MAN1C1: variants seen among roughly 807,000 people sequenced by gnomAD.
MAN1C1 encodes mannosidase alpha class 1C member 1.
MAN1C1 carries 49 observed loss-of-function variants against 71.5 expected under a neutral mutation model. The observed-to-expected ratio is 0.69, with a 90% CI of 0.54 to 0.87. MAN1C1 has a LOEUF of 0.87. Among genes scored for constraint, MAN1C1 ranks in the 40% least tolerant of loss-of-function variants. The pLI is 0.00. For synonymous variants in MAN1C1, 352 were observed against 343.7 expected (o/e 1.02, Z -0.27); for missense variants, 743 against 835.0 (o/e 0.89, Z 1.36).
At chr1:25,655,298 G>A (rs3014714) in intron 1 of MAN1C1, among the ~76,000 whole-genome samples, 33,315 of 152,078 alleles carry the variant, frequency 0.22, 3,768 homozygotes, top group East Asian at 0.37. Flanking sequence ...CCTGGAGTCC[G>A]TGGATCTCAG....
chr1:25,767,562 TCACA>T (rs150825446), intron 7 of MAN1C1, among the ~76,000 whole-genome samples: 11 of 82,110 alleles, frequency 1.3e-4, no homozygotes, highest in South Asian at 4.6e-4. Flanking sequence ...CACACTCCCC[TCACA>T]CACACCCACA....
At chr1:25,733,960 C>T (rs1018991494) in intron 2 of MAN1C1, among the ~76,000 whole-genome samples, 5 of 151,622 alleles carry the variant, frequency 3.3e-5, no homozygotes, top group Admixed American at 1.3e-4. Flanking sequence ...CCACCACGCC[C>T]GGCTAATTTT....
intron 9 of MAN1C1, 156 bp from the exon 10 acceptor site, chr1:25,780,784 C>T (rs1004344201): frequency 8.5e-5 from 59 of 697,148 alleles, no homozygotes; most frequent in Non-Finnish European, 1.4e-4. Context: ...CTGCCCGGTG[C>T]AGCCTTACAC....
At chr1:25,626,100 A>G (rs1572102382) in intron 1 of MAN1C1, among the ~76,000 whole-genome samples, 1 of 152,180 alleles carries the variant, frequency 6.6e-6, no homozygotes, top group South Asian at 2.1e-4. Flanking sequence ...TTTCTTCTGT[A>G]TAACTAGGGG....
intron 7 of MAN1C1, among the ~76,000 whole-genome samples, chr1:25,765,995 G>A (rs910827788): frequency 6.6e-6 from 1 of 152,280 alleles, no homozygotes; most frequent in East Asian, 1.9e-4. Context: ...TTTTAATTGC[G>A]AGACCTGACT....
intron 5 of MAN1C1, among the ~76,000 whole-genome samples, chr1:25,757,634 TGCAG>T (rs2047304731): frequency 6.6e-6 from 1 of 152,198 alleles, no homozygotes; most frequent in South Asian, 2.1e-4. Context: ...GTCTTACGGA[TGCAG>T]GCACGGAGGC....
chr1:25,763,209 C>T (rs182417032), intron 6 of MAN1C1, among the ~76,000 whole-genome samples: 5 of 151,960 alleles, frequency 3.3e-5, no homozygotes, highest in East Asian at 1.9e-4. Context: ...TGGAGGTTGC[C>T]GTGAGCTGAG....
chr1:25,766,336 G>A (rs2047426160), intron 7 of MAN1C1, among the ~76,000 whole-genome samples: 3 of 151,866 alleles, frequency 2.0e-5, no homozygotes, highest in African/African-American at 7.3e-5. Flanking sequence ...GGTTTCCTGT[G>A]GTTTTTTGTT....
chr1:25,649,152 A>G (rs2045656247), intron 1 of MAN1C1, among the ~76,000 whole-genome samples: 1 of 152,230 alleles, frequency 6.6e-6, no homozygotes, highest in Non-Finnish European at 1.5e-5. Context: ...CTAGAAGCTT[A>G]GAAGGTACCT....
rs768718137 is a variant in MAN1C1, at chr1:25,783,734, A to G, written c.1838A>G (p.His613Arg). 2.5e-6 allele frequency: 4 copies of G among 1,613,206 alleles called. No homozygotes were observed. In the South Asian group the frequency reaches 4.4e-5, roughly 18 times the overall value. Residue 613 changes from histidine (H) to arginine (R), a missense_variant, in exon 12 of 12, where the codon CAC (histidine) becomes CGC (arginine). By Grantham distance (29) the His-to-Arg change is conservative. Transcript: ENST00000374332. The part of the protein sequence containing the change: ...LEDWVFNTEA[H>R]PLPVNHSDSS... ...GACTGGGTGTTCAACACCGAGGCCC[A>G]CCCACTCCCGGTGAACCACTCAGAC...
intron 1 of MAN1C1, among the ~76,000 whole-genome samples, chr1:25,633,451 T>A (rs896332747): frequency 2.0e-5 from 3 of 151,950 alleles, no homozygotes; most frequent in Admixed American, 2.0e-4. Context: ...AATCTGGGAG[T>A]AGTGTTAGGT....
chr1:25,693,087 G>A (rs2046328806), intron 2 of MAN1C1, among the ~76,000 whole-genome samples: 1 of 152,242 alleles, frequency 6.6e-6, no homozygotes, highest in Non-Finnish European at 1.5e-5. Context: ...TTGACTGGAA[G>A]CTTTACCAAT....
In MAN1C1 at chr1:25,617,617, G is replaced by A. The variant is rs1295570928; in HGVS notation, c.-181G>A. ...CTGCGCCCCCGCCTCCTCGCGGGAG[G>A]ACTCGCTCCAAACTCCCTGAACTTC... On this transcript the variant is annotated 5_prime_UTR_variant, in exon 1 of 12. Coordinates refer to ENST00000374332, the MANE Select transcript of MAN1C1 (RefSeq NM_020379.4). The surrounding 1 kb of genome is among the most constrained non-coding windows in gnomAD (Gnocchi z 5.1). 1.9e-6 allele frequency: 1 copy of A among 532,214 alleles called. No homozygotes were observed. Among genetic ancestry groups the A allele is most frequent in the Non-Finnish European group, 3.2e-6 (1 of 312,946 alleles). 33.0% of individuals were successfully genotyped at this position (532,214 alleles called of 1,614,324 possible). A position where few individuals can be genotyped will look rare whatever the true frequency, so the allele number is the denominator to read the frequency against.
In MAN1C1 at chr1:25,631,671, A is replaced by G. The variant is rs1342267064; in HGVS notation, c.540+13334A>G. Reference sequence around the variant, plus strand: ...CTTGTATTTTGCTGAGGATTTTTGCATCTGTATTCATCAGGGACATTGGTC... The same window carrying G: ...CTTGTATTTTGCTGAGGATTTTTGCGTCTGTATTCATCAGGGACATTGGTC... On this transcript the variant is annotated intron_variant, in intron 1 of 11. Transcript: ENST00000374332. This position sits in a 1 kb window ranked among gnomAD's most constrained non-coding sequence, Gnocchi z 4.2. Among the ~76,000 whole-genome samples the G allele has an allele frequency of 6.6e-6, 1 of 152,088 alleles. No individual in the cohort carries two copies. The highest frequency in any genetic ancestry group is 1.5e-5 in the Non-Finnish European group (1 of 68,020).
intron 4 of MAN1C1, among the ~76,000 whole-genome samples, chr1:25,749,556 C>T (rs762476955): frequency 2.0e-5 from 3 of 152,216 alleles, no homozygotes; most frequent in Non-Finnish European, 4.4e-5. Context: ...GTTGCTCCCA[C>T]CCCAGACGGC....
intron 2 of MAN1C1, among the ~76,000 whole-genome samples, chr1:25,732,477 TC>T: frequency 6.6e-6 from 1 of 152,290 alleles, no homozygotes; most frequent in South Asian, 2.1e-4. Context: ...AATTGCACCC[TC>T]CTCCTCAGGT....
At chr1:25,625,394 A>G (rs2045278796) in intron 1 of MAN1C1, among the ~76,000 whole-genome samples, 1 of 152,222 alleles carries the variant, frequency 6.6e-6, no homozygotes, top group African/African-American at 2.4e-5. Flanking sequence ...GAACATTTCC[A>G]TCATCTCAGA....
At chr1:25,619,857 G>T (rs1403586158) in intron 1 of MAN1C1, among the ~76,000 whole-genome samples, 1 of 152,170 alleles carries the variant, frequency 6.6e-6, no homozygotes, top group Admixed American at 6.5e-5. Context: ...CGACCTCCCA[G>T]TAGGGCAGTG....
At chr1:25,770,747 C>A (rs1380852952) in intron 7 of MAN1C1, among the ~76,000 whole-genome samples, 1 of 150,576 alleles carries the variant, frequency 6.6e-6, no homozygotes, top group Non-Finnish European at 1.5e-5. Flanking sequence ...CTGTCTGCCC[C>A]CTTCTTCTGC....
Sources: gnomAD v4.1 joint callset for allele counts (sites outside exome capture counted in the v4.1 genomes callset) on GRCh38, gnomAD v4.1.1 for gene constraint, Gnocchi (gnomAD v3.1) non-coding constraint, MANE v1.5 for transcripts, NCBI Gene and HGNC (gene_info 2026-07-23, HGNC 2026-07-21) for gene names.